Variants in SOX5 observed in about 807,000 individuals in gnomAD.
The protein encoded by SOX5 is transcription factor SOX-5.
SOX5 carries 9 observed loss-of-function variants against 92.0 expected under a neutral mutation model. The observed-to-expected ratio is 0.10, with a 90% CI of 0.06 to 0.17. SOX5 has a LOEUF of 0.17. Among genes scored for constraint, SOX5 ranks in the 10% least tolerant of loss-of-function variants. The pLI, the probability that SOX5 is intolerant of heterozygous loss-of-function variation, is 1.00. For synonymous variants in SOX5, 344 were observed against 336.3 expected, an observed-to-expected ratio of 1.02 and a Z score of -0.25; for missense variants, 642 against 944.5, an observed-to-expected ratio of 0.68 and a Z score of 4.20.
At chr12:23,755,259 C>T (rs1229144847) in intron 4 of SOX5, among the ~76,000 whole-genome samples, 1 of 151,750 alleles carries the variant, frequency 6.6e-6, no homozygotes, top group Non-Finnish European at 1.5e-5. Context: ...TCTACACACC[C>T]ATATTTCTTA....
At chr12:23,964,060 GT>G (rs765037610) in intron 4 of SOX5, among the ~76,000 whole-genome samples, 41 of 151,874 alleles carry the variant, frequency 2.7e-4, no homozygotes, top group Non-Finnish European at 5.3e-4. Flanking sequence ...TTGTGTTTGT[GT>G]GGAAAAGGTG....
At chr12:23,806,355 T>C (rs1263515579) in intron 3 of SOX5, among the ~76,000 whole-genome samples, 4 of 152,012 alleles carry the variant, frequency 2.6e-5, no homozygotes, top group Non-Finnish European at 5.9e-5. Flanking sequence ...ATCAACACCT[T>C]CTCCTCCCCA....
intron 8 of SOX5, among the ~76,000 whole-genome samples, chr12:23,626,215 G>A (rs1349797776): frequency 6.6e-6 from 1 of 152,072 alleles, no homozygotes; most frequent in Non-Finnish European, 1.5e-5. Flanking sequence ...GGACCAAAAA[G>A]TATATGGTGT....
intron 1 of SOX5, among the ~76,000 whole-genome samples, chr12:23,936,940 T>C (rs1942699315): frequency 6.6e-6 from 1 of 151,060 alleles, no homozygotes; most frequent in South Asian, 2.1e-4. Flanking sequence ...AAACTTTTAA[T>C]AATGATATGT....
intron 1 of SOX5, among the ~76,000 whole-genome samples, chr12:24,525,294 T>A (rs1168863435): frequency 6.6e-6 from 1 of 152,106 alleles, no homozygotes; most frequent in African/African-American, 2.4e-5. Flanking sequence ...CACAGACAAA[T>A]ACTGCATGAG....
At chr12:23,811,449 G>T (rs544417022) in intron 3 of SOX5, among the ~76,000 whole-genome samples, 24 of 152,168 alleles carry the variant, frequency 1.6e-4, no homozygotes, top group Admixed American at 1.2e-3. Context: ...ATCCTGTCAG[G>T]CAGGGAAAGG....
chr12:24,180,609 T>C (rs916445207), intron 4 of SOX5, among the ~76,000 whole-genome samples: 2 of 152,208 alleles, frequency 1.3e-5, no homozygotes, highest in Non-Finnish European at 2.9e-5. Flanking sequence ...ACTATGCCAC[T>C]TTACTTCATT....
intron 3 of SOX5, among the ~76,000 whole-genome samples, chr12:24,255,332 T>C (rs538626722): frequency 5.6e-4 from 85 of 152,194 alleles, no homozygotes; most frequent in Middle Eastern, 3.2e-3. Flanking sequence ...CTTAGGAAAA[T>C]AGCTTTCCCA....
intron 4 of SOX5, chr12:24,213,257 A>G (rs1259893220): frequency 6.6e-6 from 1 of 152,066 alleles, no homozygotes; most frequent in East Asian, 1.9e-4. Flanking sequence ...AGCACATGGA[A>G]GAAATAAGCA....
intron 4 of SOX5, among the ~76,000 whole-genome samples, chr12:24,199,809 A>G (rs1957346492): frequency 6.6e-6 from 1 of 152,182 alleles, no homozygotes; most frequent in African/African-American, 2.4e-5. Flanking sequence ...AGTGCACCTA[A>G]CAAGAGAGGT....
At chr12:24,224,552 T>TGTGTGG (rs1459962141) in intron 3 of SOX5, among the ~76,000 whole-genome samples, 1 of 150,996 alleles carries the variant, frequency 6.6e-6, no homozygotes, top group African/African-American at 2.5e-5. Context: ...TATGTGTGTG[T>TGTGTGG]GTGTGGGTGT....
chr12:24,560,336 T>C (rs1439345099), intron 1 of SOX5, among the ~76,000 whole-genome samples: 1 of 152,242 alleles, frequency 6.6e-6, no homozygotes, highest in Non-Finnish European at 1.5e-5. Flanking sequence ...AAGCAATCCC[T>C]AGCAGTTTAA....
chr12:24,177,142 G>T (rs1010483532), intron 4 of SOX5, among the ~76,000 whole-genome samples: 13 of 152,118 alleles, frequency 8.5e-5, no homozygotes, highest in African/African-American at 3.1e-4. Flanking sequence ...TGGGCTAAGG[G>T]ATTATTAACA....
intron 4 of SOX5, among the ~76,000 whole-genome samples, chr12:24,077,141 G>A (rs1942725877): frequency 6.6e-6 from 1 of 152,046 alleles, no homozygotes; most frequent in African/African-American, 2.4e-5. Context: ...GATAGCTATG[G>A]CTCCAACAAT....
chr12:23,664,158 A>T lies in SOX5; in HGVS notation c.931+1286T>A, dbSNP rs893787087. ...CATTTCTTCAATACGATATAGAGAA[A>T]GATTTAAAGACGAGAAATAAATGTT... On this transcript the variant is annotated intron_variant, in intron 7 of 14. Coordinates refer to ENST00000451604, the MANE Select transcript of SOX5 (RefSeq NM_006940.6). Among the ~76,000 whole-genome samples the T allele has an allele frequency of 3.9e-5, 6 of 152,142 alleles. No individual in the cohort carries two copies. The South Asian group carries it at 1.2e-3, about 31-fold the overall frequency.
intron 4 of SOX5, among the ~76,000 whole-genome samples, chr12:24,009,707 G>A (rs1020018827): frequency 2.6e-5 from 4 of 152,058 alleles, no homozygotes; most frequent in Non-Finnish European, 5.9e-5. Context: ...GCTTACAGAT[G>A]GCCTGTGGTA....
chr12:24,557,345 T>C (rs989036334), intron 1 of SOX5, among the ~76,000 whole-genome samples: 3 of 145,772 alleles, frequency 2.1e-5, no homozygotes, highest in Admixed American at 7.1e-5. Flanking sequence ...CCTCCGCCTG[T>C]GGACCAACAT....
At position 23,792,622 on chromosome 12, in the gene SOX5, CAAAAAAAAAAAAAAAAAAAAAAAAAAA is replaced by C. The variant is rs749845598; in HGVS notation, c.482-36925_482-36899del. Among the ~76,000 whole-genome samples, 6 of 38,944 alleles carry C rather than the reference CAAAAAAAAAAAAAAAAAAAAAAAAAAA, an allele frequency of 1.5e-4. No homozygotes were observed. In the Admixed American group the frequency reaches 2.5e-3, roughly 16 times the overall value. The allele number at this position is 38,944 out of a possible 152,430, so 25.5% of individuals were successfully genotyped here. ...TGGGCAATAGAGTGAGGCTCTGTCT[CAAAAAAAAAAAAAAAAAAAAAAAAAAA>C]AAAAAAAAAAAAACTTGGACAAAGC... On this transcript the variant is annotated intron_variant, in intron 3 of 14. Transcript: ENST00000451604.
chr12:23,676,316 ATGT>A (rs1369858348), intron 6 of SOX5, among the ~76,000 whole-genome samples: 1 of 152,204 alleles, frequency 6.6e-6, no homozygotes, highest in Non-Finnish European at 1.5e-5. Context: ...TCAAAATATC[ATGT>A]TGTATACCCT....
Sources: allele counts gnomAD v4.1 joint callset (sites outside exome capture counted in the v4.1 genomes callset), GRCh38; gene constraint gnomAD v4.1.1; transcripts MANE v1.5; gene names NCBI Gene and HGNC (gene_info 2026-07-23, HGNC 2026-07-21).